Variants in QKI observed in about 807,000 individuals in gnomAD.
The protein encoded by QKI is KH domain-containing RNA-binding protein QKI.
A neutral mutation model predicts 39.0 loss-of-function variants in QKI; 10 were observed. The ratio of observed to expected loss-of-function variants is 0.26; its 90% CI spans 0.16 to 0.43. The LOEUF is 0.43. Ranked by LOEUF, QKI falls within the 20% of genes least tolerant of loss-of-function variation. QKI has a pLI of 1.00. For missense variants in QKI, 218 were observed against 428.0 expected, an observed-to-expected ratio of 0.51 and a Z score of 4.33; for synonymous variants, 204 against 155.4, an observed-to-expected ratio of 1.31 and a Z score of -2.33.
At position 163,573,251 on chromosome 6, in the gene QKI, A is replaced by C. The variant is rs1783803125; in HGVS notation, c.*2541A>C. On this transcript the variant is annotated 3_prime_UTR_variant, in exon 8 of 8. Coordinates refer to ENST00000361752, the MANE Select transcript of QKI (RefSeq NM_006775.3). ...TTGGTTCTCAGTATTATCATTCTTT[A>C]TTGAATTTATTTCTTATTAAAATAT... The C allele has an allele frequency of 6.6e-6, 1 of 152,084 alleles. No homozygotes were observed. The highest frequency in any genetic ancestry group is 1.5e-5 in the Non-Finnish European group (1 of 67,982). 9.4% of individuals were successfully genotyped at this position (152,084 alleles called of 1,614,324 possible).
chr6:163,459,449 G>GC (rs1562454367), intron 2 of QKI, among the ~76,000 whole-genome samples: 1 of 152,106 alleles, frequency 6.6e-6, no homozygotes, highest in Non-Finnish European at 1.5e-5. Context: ...TGCACCTCCA[G>GC]CCCCCCAACA....
At position 163,567,073 on chromosome 6, in the gene QKI, A is replaced by C. The variant is rs184037685; in HGVS notation, c.1009+278A>C. 1.3e-3 allele frequency: 1,410 copies of C among 1,080,076 alleles called. 1 individual carries two copies. Among genetic ancestry groups the C allele is most frequent in the Non-Finnish European group, 1.5e-3 (1,351 of 891,168 alleles). 66.9% of individuals were successfully genotyped at this position (1,080,076 alleles called of 1,614,324 possible). A position where few individuals can be genotyped will look rare whatever the true frequency, so the allele number is the denominator to read the frequency against. On this transcript the variant is annotated intron_variant, in intron 7 of 7. Coordinates refer to ENST00000361752, the MANE Select transcript of QKI (RefSeq NM_006775.3). ...AATTAGTCAATTTGGGGAGCTATTAAATTTTGATGTTGCCTCAGTTATTTT... is the reference window on the plus strand; with the variant it reads ...AATTAGTCAATTTGGGGAGCTATTACATTTTGATGTTGCCTCAGTTATTTT...
intron 3 of QKI, among the ~76,000 whole-genome samples, chr6:163,533,703 T>C (rs1439260653): frequency 6.6e-6 from 1 of 152,212 alleles, no homozygotes; most frequent in Non-Finnish European, 1.5e-5. Context: ...GGACAGATGG[T>C]ACCCCTGTAA....
chr6:163,431,800 TAAAAAA>T (rs66790166), intron 1 of QKI, among the ~76,000 whole-genome samples: 1 of 127,342 alleles, frequency 7.9e-6, no homozygotes, highest in African/African-American at 3.2e-5. Flanking sequence ...AAGATTTTTG[TAAAAAA>T]AAAAAAACAA....
At chr6:163,460,370 C>T (rs1162783528) in intron 2 of QKI, among the ~76,000 whole-genome samples, 4 of 152,160 alleles carry the variant, frequency 2.6e-5, no homozygotes. Flanking sequence ...ATTGTGTTTT[C>T]AGCCTGTAGG....
intron 2 of QKI, among the ~76,000 whole-genome samples, chr6:163,464,317 G>C (rs1385315305): frequency 6.6e-6 from 1 of 151,632 alleles, no homozygotes; most frequent in Non-Finnish European, 1.5e-5. Flanking sequence ...CCTGGAAATA[G>C]TGGATGCCAG....
Position 163,564,973 on chromosome 6 carries a change from C to T in QKI, c.934+1254C>T, listed in dbSNP as rs59308335. ...ACTGGAGAACACTAAGATTTAAACT[C>T]GAAAATTCGTTGTTCAAGTAAAGAA... On this transcript the variant is annotated intron_variant, in intron 6 of 7. Coordinates refer to ENST00000361752, the MANE Select transcript of QKI (RefSeq NM_006775.3). 6.6e-3 allele frequency: 8,334 copies of T among 1,269,900 alleles called. 421 individuals are homozygous for T. The African/African-American group carries it at 0.11, about 17-fold the overall frequency. 78.7% of individuals were successfully genotyped at this position (1,269,900 alleles called of 1,614,324 possible). A position where few individuals can be genotyped will look rare whatever the true frequency, so the allele number is the denominator to read the frequency against.
At chr6:163,559,466 ATTC>A (rs1460375011) in intron 4 of QKI, among the ~76,000 whole-genome samples, 1 of 152,024 alleles carries the variant, frequency 6.6e-6, no homozygotes, top group East Asian at 1.9e-4. Flanking sequence ...AATGGATTTG[ATTC>A]TTCTTTTCCA....
chr6:163,490,003 ATGAT>A (rs748522211), intron 3 of QKI, among the ~76,000 whole-genome samples: 6 of 151,994 alleles, frequency 3.9e-5, no homozygotes, highest in Non-Finnish European at 8.8e-5. Context: ...ATTTGACGAG[ATGAT>A]TAGGGAGTAG....
At chr6:163,527,609 G>A (rs1780594794) in intron 3 of QKI, among the ~76,000 whole-genome samples, 1 of 152,164 alleles carries the variant, frequency 6.6e-6, no homozygotes, top group Non-Finnish European at 1.5e-5. Flanking sequence ...TGTTCAAACA[G>A]ATATTGTAAT....
At chr6:163,480,104 TA>T (rs765925616) in intron 3 of QKI, among the ~76,000 whole-genome samples, 3 of 152,246 alleles carry the variant, frequency 2.0e-5, no homozygotes, top group Non-Finnish European at 2.9e-5. Flanking sequence ...AGATTTTATT[TA>T]CCTAGTTTGT....
At chr6:163,474,466 T>C (rs1284312217) in intron 2 of QKI, among the ~76,000 whole-genome samples, 1 of 152,082 alleles carries the variant, frequency 6.6e-6, no homozygotes, top group African/African-American at 2.4e-5. Flanking sequence ...ATGCTGGTTG[T>C]AAGGTTGATA....
At chr6:163,525,754 A>G (rs1342365896) in intron 3 of QKI, among the ~76,000 whole-genome samples, 1 of 152,214 alleles carries the variant, frequency 6.6e-6, no homozygotes, top group African/African-American at 2.4e-5. Flanking sequence ...TCTTCTTAAT[A>G]GGTAGTTGTC....
At chr6:163,486,406 T>G (rs1777681675) in intron 3 of QKI, among the ~76,000 whole-genome samples, 1 of 152,230 alleles carries the variant, frequency 6.6e-6, no homozygotes, top group Non-Finnish European at 1.5e-5. Flanking sequence ...GAACATGACT[T>G]ACGAAATGTT....
chr6:163,552,177 G>A (rs556921317), intron 4 of QKI, among the ~76,000 whole-genome samples: 5 of 147,290 alleles, frequency 3.4e-5, no homozygotes, highest in Non-Finnish European at 1.5e-5. Context: ...TATTGAAGCA[G>A]AAGTGGATCA....
chr6:163,536,986 A>G (rs761889554), intron 4 of QKI, among the ~76,000 whole-genome samples: 3 of 152,048 alleles, frequency 2.0e-5, no homozygotes, highest in Non-Finnish European at 4.4e-5. Context: ...TGGTGGGAGG[A>G]TCATTTGAGG....
intron 2 of QKI, 27 bp downstream of exon 2, chr6:163,455,448 A>G (rs779348439): frequency 1.1e-5 from 18 of 1,592,296 alleles, no homozygotes; most frequent in Admixed American, 3.4e-5. Flanking sequence ...GTTTTATTCA[A>G]TTTTGTTCTG....
chr6:163,446,656 T>C (rs1437498538), intron 1 of QKI, among the ~76,000 whole-genome samples: 1 of 152,162 alleles, frequency 6.6e-6, no homozygotes, highest in African/African-American at 2.4e-5. Flanking sequence ...TAAATAATAG[T>C]TAAATATTAA....
intron 3 of QKI, among the ~76,000 whole-genome samples, chr6:163,504,837 C>G (rs890103566): frequency 6.6e-6 from 1 of 152,090 alleles, no homozygotes; most frequent in Admixed American, 6.5e-5. Context: ...CTTTTTCTTT[C>G]TTTCTTTTAC....
Sources: gnomAD v4.1 joint callset for allele counts (sites outside exome capture counted in the v4.1 genomes callset) on GRCh38, gnomAD v4.1.1 for gene constraint, MANE v1.5 for transcripts, NCBI Gene and HGNC (gene_info 2026-07-23, HGNC 2026-07-21) for gene names.